The following TATDN3 variants were observed in gnomAD, a reference collection of about 807,000 sequenced individuals.
TATDN3 encodes the protein deoxyribonuclease TATDN3.
A neutral mutation model predicts 40.1 loss-of-function variants in TATDN3; 29 were observed. The ratio of observed to expected loss-of-function variants is 0.72; its 90% CI spans 0.54 to 0.99. TATDN3 has a LOEUF of 0.99. Among genes scored for constraint, TATDN3 ranks in the 50% least tolerant of loss-of-function variants. The probability of loss-of-function intolerance (pLI) is 0.00; values close to 1 mark genes in which losing one functional copy is unlikely to be tolerated. For missense variants in TATDN3, 309 were observed against 321.9 expected, an observed-to-expected ratio of 0.96 and a Z score of 0.31; for synonymous variants, 105 against 117.0, an observed-to-expected ratio of 0.90 and a Z score of 0.66.
At position 212,796,603 on chromosome 1, in the gene TATDN3, A is replaced by G. The variant is rs1661780169; in HGVS notation, c.173+13A>G. The G allele has an allele frequency of 6.4e-7, 1 of 1,550,780 alleles. No individual in the cohort carries two copies. Among genetic ancestry groups the G allele is most frequent in the Admixed American group, 2.1e-5 (1 of 48,478 alleles). On this transcript the variant is annotated intron_variant, in intron 3 of 9. Transcript: ENST00000366974. ...AACTTTCAGAAAGGTGCTACTTTTA[A>G]TTAAGATTTTAAAGGGTTGCTAATA...
chr1:212,806,510 A>G (rs934962825), intron 7 of TATDN3, among the ~76,000 whole-genome samples: 2 of 144,188 alleles, frequency 1.4e-5, no homozygotes, highest in African/African-American at 2.8e-5. Context: ...AGCTGGGACT[A>G]TGGGCACACA....
At chr1:212,801,364 A>G (rs1662169544) in intron 4 of TATDN3, among the ~76,000 whole-genome samples, 1 of 151,840 alleles carries the variant, frequency 6.6e-6, no homozygotes, top group Non-Finnish European at 1.5e-5. Context: ...ACACAAATAA[A>G]TTTGTACATA....
chr1:212,806,783 TACACACACACACACAC>T (rs1553257532), intron 7 of TATDN3, among the ~76,000 whole-genome samples: 61 of 79,320 alleles, frequency 7.7e-4, no homozygotes, highest in Admixed American at 1.7e-3. Context: ...TATATATATA[TACACACACACACACAC>T]ATATATACAC....
intron 7 of TATDN3, 71 bp from the exon 8 acceptor site, chr1:212,807,665 C>G: frequency 1.6e-6 from 2 of 1,227,268 alleles, no homozygotes; most frequent in Admixed American, 4.5e-5. Flanking sequence ...CTTAAAATTT[C>G]AGACTTCTGT....
intron 9 of TATDN3, among the ~76,000 whole-genome samples, chr1:212,814,474 A>T (rs536528701): frequency 3.3e-5 from 5 of 152,070 alleles, no homozygotes; most frequent in Admixed American, 3.3e-4. Context: ...AAACACTGCC[A>T]GTTATACTAT....
At chr1:212,796,262 C>T (rs1469156068) in intron 2 of TATDN3, among the ~76,000 whole-genome samples, 1 of 152,144 alleles carries the variant, frequency 6.6e-6, no homozygotes, top group Non-Finnish European at 1.5e-5. Flanking sequence ...TATTCGACAT[C>T]CAAAACTCTG....
intron 9 of TATDN3, 70 bp from the exon 10 acceptor site, chr1:212,814,943 A>G (rs1486706799): frequency 1.3e-6 from 2 of 1,508,822 alleles, no homozygotes; most frequent in African/African-American, 1.4e-5. Flanking sequence ...ATTTTCTTCT[A>G]TCTATAGTCT....
intron 9 of TATDN3, among the ~76,000 whole-genome samples, chr1:212,812,590 T>A (rs1458600370): frequency 6.6e-6 from 1 of 152,178 alleles, no homozygotes; most frequent in Non-Finnish European, 1.5e-5. Flanking sequence ...GTGTCTGCAG[T>A]CAGAAAGACA....
intron 7 of TATDN3, among the ~76,000 whole-genome samples, chr1:212,806,773 T>TAC (rs1662516306): frequency 8.5e-6 from 1 of 117,324 alleles, no homozygotes. Flanking sequence ...TATATATATA[T>TAC]ATATATATAT....
chr1:212,792,034 C>T (rs1661340218), intron 1 of TATDN3, 47 bp downstream of exon 1: 3 of 1,582,632 alleles, frequency 1.9e-6, no homozygotes, highest in Non-Finnish European at 2.6e-6. Context: ...AGGCCCCCGT[C>T]CTTTCCCCTC....
At chr1:212,811,644 T>C (rs1224507829) in intron 8 of TATDN3, among the ~76,000 whole-genome samples, 1 of 152,072 alleles carries the variant, frequency 6.6e-6, no homozygotes, top group Non-Finnish European at 1.5e-5. Flanking sequence ...AGTGGCGTGA[T>C]CTCGGCTCAC....
In TATDN3 at chr1:212,804,514, A is replaced by T. The variant is rs998878019; in HGVS notation, c.432-82A>T. 209 of 1,556,180 alleles carry T rather than the reference A, an allele frequency of 1.3e-4. 6 individuals are homozygous for T. In the South Asian group the frequency reaches 1.9e-3, roughly 14 times the overall value. On this transcript the variant is annotated intron_variant, in intron 6 of 9. Coordinates refer to ENST00000366974, the MANE Select transcript of TATDN3 (RefSeq NM_001042552.3). ...TCTCCTGAAATGGAACTCTACATTTATTTTTCTCCAAACTACTTTAATAGA... is the reference window on the plus strand; with the variant it reads ...TCTCCTGAAATGGAACTCTACATTTTTTTTTCTCCAAACTACTTTAATAGA...
Position 212,812,348 on chromosome 1 carries a change from C to T in TATDN3, c.681+20C>T, listed in dbSNP as rs564545106. On this transcript the variant is annotated intron_variant, in intron 9 of 9. Coordinates refer to ENST00000366974, the MANE Select transcript of TATDN3 (RefSeq NM_001042552.3). ...AAACAGGTAAATGGTTTTCTAATTT[C>T]TATATTATTTAGATTGTATCTTTCA... 9.8e-6 allele frequency: 12 copies of T among 1,225,328 alleles called. No homozygotes were observed. Among genetic ancestry groups the T allele is most frequent in the Admixed American group, 6.9e-5 (3 of 43,192 alleles). 75.9% of individuals were successfully genotyped at this position (1,225,328 alleles called of 1,614,324 possible).
At chr1:212,809,845 G>A (rs1015424006) in intron 8 of TATDN3, among the ~76,000 whole-genome samples, 14 of 152,022 alleles carry the variant, frequency 9.2e-5, no homozygotes, top group Admixed American at 2.6e-4. Context: ...CCAACATGGT[G>A]AGACCCCTTC....
intron 1 of TATDN3, among the ~76,000 whole-genome samples, chr1:212,794,318 C>T (rs142340414): frequency 0.011 from 1,678 of 150,976 alleles, 25 homozygotes; most frequent in Non-Finnish European, 0.012. Context: ...AGGCTGGGTT[C>T]GATGGCTCAC....
intron 2 of TATDN3, among the ~76,000 whole-genome samples, 198 bp downstream of exon 2, chr1:212,795,325 C>T (rs1332006360): frequency 6.6e-6 from 1 of 151,716 alleles, no homozygotes; most frequent in African/African-American, 2.4e-5. Context: ...GGCTGGAGTG[C>T]AGTCGTGTGA....
At chr1:212,796,612 T>C in intron 3 of TATDN3, 22 bp downstream of exon 3, 1 of 1,514,404 alleles carries the variant, frequency 6.6e-7, no homozygotes, top group African/African-American at 1.4e-5. Context: ...AATTAAGATT[T>C]TAAAGGGTTG....
At chr1:212,805,151 G>A (rs1662381126) in intron 7 of TATDN3, among the ~76,000 whole-genome samples, 1 of 152,034 alleles carries the variant, frequency 6.6e-6, no homozygotes, top group African/African-American at 2.4e-5. Context: ...TAGTAGAGCT[G>A]GGGTTTTGCC....
Position 212,792,596 on chromosome 1 carries a change from C to T in TATDN3, c.66+609C>T, listed in dbSNP as rs569044526. On this transcript the variant is annotated intron_variant, in intron 1 of 9. Coordinates refer to ENST00000366974, the MANE Select transcript of TATDN3 (RefSeq NM_001042552.3). Reference sequence around the variant, plus strand: ...GTTGCAGTGAGCTGACATCAAGCCACTGCACTCCAGCCTGGGTAACAGTGA... The same window carrying T: ...GTTGCAGTGAGCTGACATCAAGCCATTGCACTCCAGCCTGGGTAACAGTGA... 3.5e-4 allele frequency among the ~76,000 whole-genome samples: 49 copies of T among 141,918 alleles called. No homozygotes were observed. The South Asian group carries it at 5.2e-3, about 15-fold the overall frequency. The allele number at this position is 141,918 out of a possible 152,430, so 93.1% of individuals were successfully genotyped here.
Sources: gnomAD v4.1 joint callset for allele counts (sites outside exome capture counted in the v4.1 genomes callset) on GRCh38, gnomAD v4.1.1 for gene constraint, MANE v1.5 for transcripts, NCBI Gene and HGNC (gene_info 2026-07-23, HGNC 2026-07-21) for gene names.